The following TCF4 variants were observed in gnomAD, a reference collection of about 807,000 sequenced individuals.
TCF4 encodes SL3-3 enhancer factor 2.
TCF4 carries 3 observed loss-of-function variants against 82.1 expected under a neutral mutation model. That is an observed-to-expected ratio of 0.04 (90% CI 0.02 to 0.09). The LOEUF is 0.09. TCF4 is among the 10% of genes least tolerant of loss of function. The pLI is 1.00. For missense variants in TCF4, 518 were observed against 852.7 expected, an observed-to-expected ratio of 0.61 and a Z score of 4.89; for synonymous variants, 276 against 309.6, an observed-to-expected ratio of 0.89 and a Z score of 1.14.
chr18:55,514,893 A>G (rs1376506953), intron 3 of TCF4, among the ~76,000 whole-genome samples: 1 of 152,198 alleles, frequency 6.6e-6, no homozygotes, highest in Non-Finnish European at 1.5e-5. Context: ...ATACATGTGT[A>G]ATATATGGTT....
chr18:55,464,541 G>A lies in TCF4; in HGVS notation c.146-404C>T, dbSNP rs1046790980. Among the ~76,000 whole-genome samples the A allele has an allele frequency of 5.3e-5, 8 of 152,112 alleles. No homozygotes were observed. The East Asian group carries it at 1.5e-3, about 29-fold the overall frequency. On this transcript the variant is annotated intron_variant, in intron 3 of 19. Transcript: ENST00000354452. ...CCACACTAACACCTTTAGCATCCTC[G>A]CCATAATGCTCTTGGATCCTTTTTG... is the stretch of plus-strand genomic sequence containing the variant.
At chr18:55,621,363 T>A (rs11151194) in intron 2 of TCF4, among the ~76,000 whole-genome samples, 1 of 133,880 alleles carries the variant, frequency 7.5e-6, no homozygotes, top group African/African-American at 2.8e-5. Flanking sequence ...AAAAAGATAC[T>A]TTCTTTAAAC....
At chr18:55,312,325 T>C (rs529351564) in intron 8 of TCF4, among the ~76,000 whole-genome samples, 1 of 152,286 alleles carries the variant, frequency 6.6e-6, no homozygotes, top group African/African-American at 2.4e-5. Context: ...TAAATGGATC[T>C]TCAACATGAA....
chr18:55,233,945 C>T (rs2048619715), intron 16 of TCF4, among the ~76,000 whole-genome samples: 1 of 151,728 alleles, frequency 6.6e-6, no homozygotes, highest in Non-Finnish European at 1.5e-5. Context: ...CACATGTATT[C>T]CTGTGGCAAT....
At chr18:55,431,576 G>A (rs1490248648) in intron 5 of TCF4, among the ~76,000 whole-genome samples, 4 of 152,080 alleles carry the variant, frequency 2.6e-5, no homozygotes, top group East Asian at 3.9e-4. Flanking sequence ...CACCGTGGCC[G>A]GCCTCCACTT....
chr18:55,322,033 C>G (rs2075627232), intron 8 of TCF4: 3 of 1,183,460 alleles, frequency 2.5e-6, no homozygotes, highest in Non-Finnish European at 3.1e-6. Flanking sequence ...TTTATTAGTT[C>G]CTCGAATAAT....
chr18:55,506,856 CT>C (rs1039114695), intron 3 of TCF4, among the ~76,000 whole-genome samples: 17 of 146,372 alleles, frequency 1.2e-4, no homozygotes, highest in South Asian at 2.2e-4. Context: ...TATGATCTTT[CT>C]TTTTTTTTTC....
At chr18:55,403,870 A>G (rs1161760962) in intron 5 of TCF4, 2 of 1,463,826 alleles carry the variant, frequency 1.4e-6, no homozygotes, top group East Asian at 2.5e-5. Flanking sequence ...CAAATTATCT[A>G]TGTAATGACC....
chr18:55,352,087 A>T, intron 6 of TCF4: 1 of 197,916 alleles, frequency 5.1e-6, no homozygotes, highest in Non-Finnish European at 9.1e-6. Flanking sequence ...CTTCACTAAC[A>T]CACTATTCAC....
At chr18:55,624,517 T>C (rs1458819789) in intron 2 of TCF4, among the ~76,000 whole-genome samples, 2 of 150,878 alleles carry the variant, frequency 1.3e-5, no homozygotes, top group African/African-American at 4.9e-5. Context: ...TTCTTATGTC[T>C]GAGCTAGCCC....
chr18:55,293,258 G>A (rs1367687096), intron 8 of TCF4, among the ~76,000 whole-genome samples: 1 of 152,148 alleles, frequency 6.6e-6, no homozygotes, highest in Non-Finnish European at 1.5e-5. Context: ...AGGACAAGAT[G>A]ATGGCCAAAT....
chr18:55,570,139 T>C (rs1568424781), intron 3 of TCF4, among the ~76,000 whole-genome samples: 1 of 152,178 alleles, frequency 6.6e-6, no homozygotes, highest in Non-Finnish European at 1.5e-5. Context: ...AATAGTATTG[T>C]GAATGACTGG....
intron 2 of TCF4, among the ~76,000 whole-genome samples, chr18:55,618,394 G>T (rs2097714271): frequency 6.6e-6 from 1 of 151,938 alleles, no homozygotes; most frequent in Non-Finnish European, 1.5e-5. Context: ...ATATATACTT[G>T]TTCATAATTG....
At chr18:55,322,242 T>C (rs930778454) in intron 8 of TCF4, 181 of 1,037,384 alleles carry the variant, frequency 1.7e-4, no homozygotes, top group South Asian at 2.8e-4. Flanking sequence ...TGACTCCCCC[T>C]CTCTCTCTCT....
chr18:55,606,221 G>A (rs566731040), intron 2 of TCF4, among the ~76,000 whole-genome samples: 16 of 152,206 alleles, frequency 1.1e-4, no homozygotes, highest in South Asian at 8.3e-4. Flanking sequence ...TAACCAAGGA[G>A]ATGAGAGAAG....
chr18:55,544,271 T>C (rs994860391), intron 3 of TCF4, among the ~76,000 whole-genome samples: 9 of 152,372 alleles, frequency 5.9e-5, no homozygotes, highest in African/African-American at 2.2e-4. Context: ...ATATTTGTTA[T>C]GCACTTCCTG....
Position 55,617,809 on chromosome 18 carries a change from A to G in TCF4, c.286+13489T>C, listed in dbSNP as rs1292440533. On this transcript the variant is annotated intron_variant, in intron 2 of 20. Transcript: ENST00000398339. ...AAACTTTAGTGAATTCATTAATTCTAACTGTGTGTGTGTGTGTGTGTGTGT... is the reference window on the plus strand; with the variant it reads ...AAACTTTAGTGAATTCATTAATTCTGACTGTGTGTGTGTGTGTGTGTGTGT... Among the ~76,000 whole-genome samples, 8 of 97,354 alleles carry G rather than the reference A, an allele frequency of 8.2e-5. No individual in the cohort carries two copies. The South Asian group carries it at 1.2e-3, about 15-fold the overall frequency. The allele number at this position is 97,354 out of a possible 152,430, so 63.9% of individuals were successfully genotyped here. A position where few individuals can be genotyped will look rare whatever the true frequency, so the allele number is the denominator to read the frequency against.
At chr18:55,353,035 TA>T (rs1172046484) in intron 6 of TCF4, among the ~76,000 whole-genome samples, 1 of 152,176 alleles carries the variant, frequency 6.6e-6, no homozygotes, top group Admixed American at 6.5e-5. Context: ...AGAAGTATAT[TA>T]AATATTCAGA....
Position 55,260,044 on chromosome 18 carries a change from G to GAAAA in TCF4, c.991-21_991-18dup. On this transcript the variant is annotated splice_polypyrimidine_tract_variant and intron_variant, in intron 12 of 19. Transcript: ENST00000354452. ...AGAATAGATCTTAAAACAATAAGGA[G>GAAAA]AAAAAAAAAACACCCTCATTCATTA... 1 of 1,433,622 alleles carries GAAAA rather than the reference G, an allele frequency of 7.0e-7. No homozygotes were observed. Among genetic ancestry groups the GAAAA allele is most frequent in the Non-Finnish European group, 9.5e-7 (1 of 1,049,286 alleles). 88.8% of individuals were successfully genotyped at this position (1,433,622 alleles called of 1,614,324 possible).
Sources: gnomAD v4.1 joint callset for allele counts (sites outside exome capture counted in the v4.1 genomes callset) on GRCh38, gnomAD v4.1.1 for gene constraint, MANE v1.5 for transcripts, NCBI Gene and HGNC (gene_info 2026-07-23, HGNC 2026-07-21) for gene names.